The following PCDH15 variants were observed in gnomAD, a reference collection of about 807,000 sequenced individuals.
PCDH15 encodes protocadherin-15.
A neutral mutation model predicts 178.5 loss-of-function variants in PCDH15; 129 were observed. That is an observed-to-expected ratio of 0.72 (90% CI 0.63 to 0.84). The LOEUF (loss-of-function observed/expected upper bound fraction) is 0.84. Ranked by LOEUF, PCDH15 falls within the 40% of genes least tolerant of loss-of-function variation. PCDH15 has a pLI of 0.00. For missense variants in PCDH15, 2,230 were observed against 2,099.9 expected (o/e 1.06, Z -1.21); for synonymous variants, 800 against 732.0 (o/e 1.09, Z -1.50).
Position 55,084,844 on chromosome 10 carries a change from T to C in PCDH15, c.-80+81732A>G, listed in dbSNP as rs569237770. On this transcript the variant is annotated intron_variant, in intron 2 of 5. Coordinates refer to the PCDH15 transcript ENST00000458638. ...AAAAAGTGCTCAACATCACTGATCA[T>C]CAAAGCACTGCAAATGAAAATTACA... is the stretch of plus-strand genomic sequence containing the variant. 5.3e-4 allele frequency among the ~76,000 whole-genome samples: 80 copies of C among 152,094 alleles called. 1 individual carries two copies. The highest frequency in any genetic ancestry group is 7.2e-4 in the Admixed American group (11 of 15,260).
chr10:55,064,300 ATAACT>A (rs1016440294), intron 2 of PCDH15, among the ~76,000 whole-genome samples: 2 of 152,144 alleles, frequency 1.3e-5, no homozygotes, highest in Admixed American at 6.6e-5. Context: ...ACTCATCAAA[ATAACT>A]TAATTGATTG....
At chr10:54,627,136 T>C (rs2093577637) in intron 2 of PCDH15, among the ~76,000 whole-genome samples, 1 of 152,218 alleles carries the variant, frequency 6.6e-6, no homozygotes, top group Non-Finnish European at 1.5e-5. Context: ...GCTTTTGATT[T>C]TACAGGCTCA....
chr10:53,974,170 A>G (rs2089998620), intron 21 of PCDH15, among the ~76,000 whole-genome samples: 1 of 152,034 alleles, frequency 6.6e-6, no homozygotes, highest in African/African-American at 2.4e-5. Flanking sequence ...GGGACGCTCC[A>G]TGCCTGGATA....
In PCDH15 at chr10:54,862,996, T is replaced by C. The variant is rs76120650; in HGVS notation, c.-29+34454A>G. ...ATCTATTATAGTAACTATAAACATA[T>C]TGTAGTAGAAACACCTAAAGTATAC... On this transcript the variant is annotated intron_variant, in intron 3 of 5. Transcript: ENST00000458638. Among the ~76,000 whole-genome samples the C allele has an allele frequency of 2.2e-4, 34 of 152,324 alleles. No homozygotes were observed. The East Asian group carries it at 6.4e-3, about 28-fold the overall frequency.
chr10:54,845,322 G>A (rs751488057), intron 3 of PCDH15, among the ~76,000 whole-genome samples: 6 of 151,962 alleles, frequency 3.9e-5, no homozygotes, highest in Non-Finnish European at 7.4e-5. Flanking sequence ...AGACATTAGT[G>A]TACTTCACAA....
At chr10:54,152,777 C>T (rs2044667611) in intron 14 of PCDH15, among the ~76,000 whole-genome samples, 1 of 151,700 alleles carries the variant, frequency 6.6e-6, no homozygotes, top group African/African-American at 2.4e-5. Context: ...TTTTAATTAC[C>T]TATACACTCA....
chr10:55,557,896 G>A (rs533563122), intron 2 of PCDH15, among the ~76,000 whole-genome samples: 1 of 152,206 alleles, frequency 6.6e-6, no homozygotes. Flanking sequence ...AGAGATTAAA[G>A]GGGAGAGAAA....
chr10:55,520,045 CATATATATATATACATATATATGGCAT>C (rs1841122086), intron 2 of PCDH15, among the ~76,000 whole-genome samples: 1 of 140,182 alleles, frequency 7.1e-6, no homozygotes, highest in African/African-American at 2.6e-5. Flanking sequence ...CATATATATA[CATATATATATATACATATATATGGCAT>C]ATATATATAA....
intron 2 of PCDH15, among the ~76,000 whole-genome samples, chr10:55,047,709 T>C (rs1419290792): frequency 2.6e-5 from 4 of 151,786 alleles, no homozygotes; most frequent in Non-Finnish European, 5.9e-5. Context: ...ATTTTTAGCA[T>C]ACAATTCCCC....
chr10:54,139,598 C>T (rs2133153749), intron 14 of PCDH15, among the ~76,000 whole-genome samples: 1 of 152,204 alleles, frequency 6.6e-6, no homozygotes, highest in East Asian at 1.9e-4. Context: ...CTCAGAATTT[C>T]TTGCTTCTCA....
At chr10:53,970,559 A>G (rs546213059) in intron 21 of PCDH15, among the ~76,000 whole-genome samples, 125 of 152,276 alleles carry the variant, frequency 8.2e-4, no homozygotes, top group Non-Finnish European at 1.3e-3. Context: ...AATAAAGAAG[A>G]AAAGAGAGAA....
At chr10:53,984,856 C>G (rs1195017147) in intron 21 of PCDH15, among the ~76,000 whole-genome samples, 1 of 152,146 alleles carries the variant, frequency 6.6e-6, no homozygotes, top group Non-Finnish European at 1.5e-5. Flanking sequence ...ATCCCCTCCC[C>G]TTTCTTCTAC....
intron 2 of PCDH15, among the ~76,000 whole-genome samples, chr10:55,481,826 A>T: frequency 6.6e-6 from 1 of 151,664 alleles, no homozygotes; most frequent in Admixed American, 6.6e-5. Flanking sequence ...TGGGGTGGAG[A>T]GTTCTCTATG....
chr10:55,625,700 C>G (rs758617165), intron 2 of PCDH15, among the ~76,000 whole-genome samples: 51 of 152,088 alleles, frequency 3.4e-4, no homozygotes, highest in Non-Finnish European at 6.5e-4. Context: ...AAGAATCTGC[C>G]CTTTGAGATA....
chr10:55,621,342 C>T (rs1234467268), intron 2 of PCDH15, among the ~76,000 whole-genome samples: 1 of 152,176 alleles, frequency 6.6e-6, no homozygotes, highest in African/African-American at 2.4e-5. Context: ...AAAGTCTGTC[C>T]TTGTTGGCAA....
At position 55,464,328 on chromosome 10, in the gene PCDH15, G is replaced by T. The variant is rs142080509; in HGVS notation, c.-156+163297C>A. Among the ~76,000 whole-genome samples, 299 of 151,926 alleles carry T rather than the reference G, an allele frequency of 2.0e-3. 2 individuals are homozygous for T. The highest frequency in any genetic ancestry group is 7.0e-3 in the African/African-American group (292 of 41,472). ...CGACTAACCATTTTTTTTCCTCCAA[G>T]AAGTTGTTTACATTTATATTGTCAT... On this transcript the variant is annotated intron_variant, in intron 2 of 5. Transcript: ENST00000613346.
intron 2 of PCDH15, among the ~76,000 whole-genome samples, chr10:55,018,868 G>T (rs1840253737): frequency 6.6e-6 from 1 of 152,046 alleles, no homozygotes; most frequent in South Asian, 2.1e-4. Context: ...CCTCGTATAG[G>T]ATAAAATACT....
intron 3 of PCDH15, among the ~76,000 whole-genome samples, chr10:54,492,642 A>G (rs1385543606): frequency 1.3e-5 from 2 of 152,106 alleles, no homozygotes; most frequent in Non-Finnish European, 2.9e-5. Flanking sequence ...AATCTGTTAC[A>G]CCTCTCCATT....
At chr10:53,926,864 T>G (rs889564375) in intron 25 of PCDH15, among the ~76,000 whole-genome samples, 2 of 152,258 alleles carry the variant, frequency 1.3e-5, no homozygotes, top group Non-Finnish European at 2.9e-5. Flanking sequence ...TATACCTATG[T>G]TATAGCTTCT....
Sources: gnomAD v4.1 joint callset for allele counts (sites outside exome capture counted in the v4.1 genomes callset) on GRCh38, gnomAD v4.1.1 for gene constraint, MANE v1.5 for transcripts, NCBI Gene and HGNC (gene_info 2026-07-23, HGNC 2026-07-21) for gene names.